Variants in ANKIB1 observed in about 807,000 individuals in gnomAD.
ANKIB1 encodes ankyrin repeat and IBR domain containing 1.
In ANKIB1, 43 loss-of-function variants were observed where a neutral mutation model predicts 122.1. The ratio of observed to expected loss-of-function variants is 0.35; its 90% confidence interval spans 0.28 to 0.45. The LOEUF is 0.45. Among genes scored for constraint, ANKIB1 ranks in the 20% least tolerant of loss-of-function variants. The probability of loss-of-function intolerance (pLI) is 1.00; values close to 1 mark genes in which losing one functional copy is unlikely to be tolerated. For synonymous variants in ANKIB1, 390 were observed against 442.0 expected (o/e 0.88, Z 1.48); for missense variants, 992 against 1,329.5 (o/e 0.75, Z 3.95).
At chr7:92,268,573 G>T (rs1480891027) in intron 1 of ANKIB1, among the ~76,000 whole-genome samples, 1 of 152,148 alleles carries the variant, frequency 6.6e-6, no homozygotes, top group Non-Finnish European at 1.5e-5. Flanking sequence ...TGCCTTCTGG[G>T]TTCAAGCAAT....
chr7:92,368,097 A>G (rs889665107), intron 10 of ANKIB1, among the ~76,000 whole-genome samples: 15 of 152,148 alleles, frequency 9.9e-5, no homozygotes, highest in African/African-American at 3.4e-4. Context: ...TGAAGGCTAC[A>G]GTGAGCTATG....
At chr7:92,306,536 G>A (rs1166460596) in intron 2 of ANKIB1, among the ~76,000 whole-genome samples, 1 of 152,040 alleles carries the variant, frequency 6.6e-6, no homozygotes, top group African/African-American at 2.4e-5. Flanking sequence ...AGATCACGAG[G>A]TTGGAGTCCT....
intron 3 of ANKIB1, among the ~76,000 whole-genome samples, chr7:92,308,688 T>C (rs1337956002): frequency 6.6e-6 from 1 of 152,114 alleles, no homozygotes; most frequent in African/African-American, 2.4e-5. Flanking sequence ...GCATATAATA[T>C]GAGATCTTAA....
intron 4 of ANKIB1, among the ~76,000 whole-genome samples, chr7:92,323,945 C>A (rs1802968963): frequency 6.6e-6 from 1 of 152,200 alleles, no homozygotes; most frequent in Non-Finnish European, 1.5e-5. Flanking sequence ...CCTTAGCTGG[C>A]TACCTGGTTA....
intron 4 of ANKIB1, among the ~76,000 whole-genome samples, chr7:92,324,669 C>T (rs941911838): frequency 1.3e-5 from 2 of 152,172 alleles, no homozygotes; most frequent in Non-Finnish European, 2.9e-5. Flanking sequence ...TATATTAAGT[C>T]ATATGTTTAA....
intron 5 of ANKIB1, among the ~76,000 whole-genome samples, chr7:92,332,809 C>CT (rs1242077858): frequency 6.6e-6 from 1 of 152,194 alleles, no homozygotes; most frequent in Non-Finnish European, 1.5e-5. Context: ...TTTCTCCCCC[C>CT]TGGACTAGAC....
chr7:92,372,486 T>G (rs1804291505), intron 11 of ANKIB1, among the ~76,000 whole-genome samples: 2 of 152,158 alleles, frequency 1.3e-5, no homozygotes, highest in Admixed American at 1.3e-4. Flanking sequence ...CACCTATATA[T>G]AGATGTCTGT....
chr7:92,332,234 G>A (rs888312542), intron 5 of ANKIB1, among the ~76,000 whole-genome samples: 15 of 152,314 alleles, frequency 9.8e-5, no homozygotes, highest in African/African-American at 3.4e-4. Flanking sequence ...GATTTACAGA[G>A]ATAAGTGATG....
intron 5 of ANKIB1, 38 bp from the exon 6 acceptor site, chr7:92,342,986 T>C: frequency 1.3e-6 from 2 of 1,571,096 alleles, no homozygotes; most frequent in South Asian, 1.1e-5. Context: ...TTACCATATT[T>C]TCTTTTTTGA....
At chr7:92,378,656 A>G (rs1585134006) in intron 11 of ANKIB1, among the ~76,000 whole-genome samples, 1 of 152,298 alleles carries the variant, frequency 6.6e-6, no homozygotes, top group East Asian at 1.9e-4. Context: ...ATTTTTCATC[A>G]CTAGTATTAT....
chr7:92,359,089 G>A (rs7791014), intron 9 of ANKIB1, among the ~76,000 whole-genome samples: 51 of 151,058 alleles, frequency 3.4e-4, no homozygotes, highest in Non-Finnish European at 6.8e-4. Flanking sequence ...TTTTTTTTTC[G>A]TACTTAAGTT....
intron 6 of ANKIB1, among the ~76,000 whole-genome samples, chr7:92,343,646 A>T (rs1012215102): frequency 2.4e-4 from 36 of 152,232 alleles, no homozygotes; most frequent in African/African-American, 8.2e-4. Context: ...AGCCTGGGCA[A>T]CATAGCCAGA....
intron 19 of ANKIB1, 99 bp from the exon 20 acceptor site, chr7:92,398,113 T>C (rs1804939404): frequency 7.8e-7 from 1 of 1,282,834 alleles, no homozygotes; most frequent in African/African-American, 1.5e-5. Context: ...ATAAATAAAA[T>C]TAATAATCTG....
Position 92,319,428 on chromosome 7 carries a change from C to G in ANKIB1, c.585C>G (p.Leu195=), listed in dbSNP as rs767775305. 11 of 1,613,408 alleles carry G rather than the reference C, an allele frequency of 6.8e-6. No homozygotes were observed. In the Admixed American group the frequency reaches 8.3e-5, roughly 12 times the overall value. ...AEKQHHKDLA[L]NLESQMVFSR... ...AGCAACACCACAAAGATTTGGCCCTCAATCTGGAATCTCAAATGGTATTCT... is the reference window on the plus strand; with the variant it reads ...AGCAACACCACAAAGATTTGGCCCTGAATCTGGAATCTCAAATGGTATTCT... The change falls in exon 4 of 20, where the codon CTC becomes CTG. Residue 195 remains leucine, a synonymous_variant. Coordinates refer to ENST00000265742, the MANE Select transcript of ANKIB1 (RefSeq NM_019004.2).
At chr7:92,259,377 T>C (rs766860552) in intron 1 of ANKIB1, among the ~76,000 whole-genome samples, 1 of 152,230 alleles carries the variant, frequency 6.6e-6, no homozygotes, top group Non-Finnish European at 1.5e-5. Context: ...TACTCTTTAC[T>C]TCTTGTTGTA....
intron 12 of ANKIB1, 87 bp from the exon 13 acceptor site, chr7:92,387,711 A>G: frequency 1.1e-6 from 1 of 916,594 alleles, no homozygotes; most frequent in Non-Finnish European, 1.7e-6. Context: ...ACCTATCACT[A>G]ATAAAACTTT....
Position 92,292,224 on chromosome 7 carries a change from G to A in ANKIB1, c.-90-2665G>A, listed in dbSNP as rs141564096. Among the ~76,000 whole-genome samples the A allele has an allele frequency of 2.9e-3, 441 of 152,298 alleles. 4 individuals carry two copies. The highest frequency in any genetic ancestry group is 0.01 in the African/African-American group (420 of 41,558). On this transcript the variant is annotated intron_variant, in intron 1 of 19. Coordinates refer to ENST00000265742, the MANE Select transcript of ANKIB1 (RefSeq NM_019004.2). Reference sequence around the variant, plus strand: ...ATTGAGCTGTGACCGTTTAGATGATGCATTTCTTAGTGACTTTCTGGCTCA... The same window carrying A: ...ATTGAGCTGTGACCGTTTAGATGATACATTTCTTAGTGACTTTCTGGCTCA...
intron 7 of ANKIB1, among the ~76,000 whole-genome samples, chr7:92,347,390 G>GA (rs1339317588): frequency 1.3e-5 from 2 of 152,056 alleles, no homozygotes; most frequent in African/African-American, 4.8e-5. Flanking sequence ...GTGTGGCCCA[G>GA]AAAAGCCAAA....
chr7:92,351,024 T>C lies in ANKIB1; in HGVS notation c.1160T>C (p.Val387Ala). The change falls in exon 8 of 20, where the codon GTA becomes GCA. Residue 387 changes from valine to alanine, a missense_variant. By Grantham distance (64) the Val-to-Ala change is moderately conservative. Coordinates refer to ENST00000265742, the MANE Select transcript of ANKIB1 (RefSeq NM_019004.2). Reference protein sequence around the residue: ...FCPAYDCFQLVPVDIIESVVS... With the variant: ...FCPAYDCFQLAPVDIIESVVS... Reference sequence around the variant, plus strand: ...CCTGCATATGATTGCTTCCAACTTGTACCTGTGGATATCATAGAAAGTGTA... The same window carrying C: ...CCTGCATATGATTGCTTCCAACTTGCACCTGTGGATATCATAGAAAGTGTA... 1 of 1,602,058 alleles carries C rather than the reference T, an allele frequency of 6.2e-7. No individual in the cohort carries two copies. The highest frequency in any genetic ancestry group is 8.5e-7 in the Non-Finnish European group (1 of 1,173,710).
Sources: gnomAD v4.1 joint callset for allele counts (sites outside exome capture counted in the v4.1 genomes callset) on GRCh38, gnomAD v4.1.1 for gene constraint, MANE v1.5 for transcripts, NCBI Gene and HGNC (gene_info 2026-07-23, HGNC 2026-07-21) for gene names.